The following CNMD variants were observed in gnomAD, a reference collection of about 807,000 sequenced individuals.
CNMD encodes the protein chondromodulin.
CNMD carries 30 observed loss-of-function variants against 37.5 expected under a neutral mutation model. The observed-to-expected ratio is 0.80, with a 90% CI of 0.60 to 1.09. The LOEUF is 1.09. Ranked by LOEUF, CNMD falls within the 50% of genes least tolerant of loss-of-function variation. The pLI is 0.00. For missense variants in CNMD, 398 were observed against 423.9 expected (o/e 0.94, Z 0.54); for synonymous variants, 167 against 148.2 (o/e 1.13, Z -0.92).
rs540994167 is a variant in CNMD at position 52,722,619 on chromosome 13, TCTATC to T, written c.468+1373_468+1377del. On this transcript the variant is annotated intron_variant, in intron 4 of 6. Coordinates refer to ENST00000377962, the MANE Select transcript of CNMD (RefSeq NM_007015.3). ...ACTTCAAAGCCCATTTTCTCTCCAC[TCTATC>T]CTGCCACAACTCAAATAAAAGACAG... is the stretch of plus-strand genomic sequence containing the variant. 2.4e-3 allele frequency among the ~76,000 whole-genome samples: 360 copies of T among 152,200 alleles called. 1 individual carries two copies. Among genetic ancestry groups the T allele is most frequent in the African/African-American group, 8.3e-3 (343 of 41,534 alleles).
At chr13:52,725,113 C>G (rs1477039015) in intron 3 of CNMD, among the ~76,000 whole-genome samples, 2 of 152,272 alleles carry the variant, frequency 1.3e-5, no homozygotes, top group East Asian at 3.9e-4. Context: ...CTCCATGCAG[C>G]CTTCTCTGAA....
At chr13:52,735,497 T>G (rs1157873527) in intron 2 of CNMD, among the ~76,000 whole-genome samples, 1 of 152,148 alleles carries the variant, frequency 6.6e-6, no homozygotes, top group Non-Finnish European at 1.5e-5. Context: ...GAGTGGCCTG[T>G]GGTTTGAATT....
intron 2 of CNMD, among the ~76,000 whole-genome samples, chr13:52,737,084 T>A (rs1594292737): frequency 6.6e-6 from 1 of 152,288 alleles, no homozygotes; most frequent in South Asian, 2.1e-4. Context: ...TATAAACCAA[T>A]ATAGAGGAGC....
intron 3 of CNMD, among the ~76,000 whole-genome samples, chr13:52,730,655 C>G (rs1288513967): frequency 6.6e-6 from 1 of 152,112 alleles, no homozygotes; most frequent in Non-Finnish European, 1.5e-5. Flanking sequence ...CCTTCGCCCA[C>G]TTTTTGATGG....
chr13:52,731,055 C>T (rs1045261695), intron 3 of CNMD, among the ~76,000 whole-genome samples: 7 of 152,156 alleles, frequency 4.6e-5, no homozygotes, highest in African/African-American at 1.4e-4. Flanking sequence ...CATTCATGTT[C>T]ACTATTTTTC....
At chr13:52,719,509 T>A (rs549346110) in intron 4 of CNMD, among the ~76,000 whole-genome samples, 63 of 152,362 alleles carry the variant, frequency 4.1e-4, no homozygotes, top group African/African-American at 1.5e-3. Flanking sequence ...GGAGCTCTTG[T>A]AAGGCAGGGC....
chr13:52,711,799 A>G (rs1406260346), intron 5 of CNMD, among the ~76,000 whole-genome samples: 3 of 152,214 alleles, frequency 2.0e-5, no homozygotes, highest in Non-Finnish European at 4.4e-5. Context: ...ATTGCTGTGC[A>G]ATCATCACCA....
chr13:52,723,745 C>CA (rs886947566), intron 4 of CNMD, among the ~76,000 whole-genome samples: 3 of 151,978 alleles, frequency 2.0e-5, no homozygotes, highest in African/African-American at 7.2e-5. Context: ...GCCTGGCCAA[C>CA]ATGGTGAAAC....
chr13:52,735,334 T>A (rs1964738801), intron 2 of CNMD, among the ~76,000 whole-genome samples: 2 of 151,936 alleles, frequency 1.3e-5, no homozygotes, highest in South Asian at 4.2e-4. Flanking sequence ...AACACCCATG[T>A]GAGTGTCTTC....
In CNMD at chr13:52,703,492, TA is replaced by T. The variant is rs374765429; in HGVS notation, c.*102del. On this transcript the variant is annotated 3_prime_UTR_variant, in exon 7 of 7. Coordinates refer to ENST00000377962, the MANE Select transcript of CNMD (RefSeq NM_007015.3). ...CAAGAATAACCGCTCAGGTTGAGTG[TA>T]AAAATATTTTGTGGTCCTATCAGCA... The T allele has an allele frequency of 1.6e-4, 118 of 759,582 alleles. No individual in the cohort carries two copies. The African/African-American group carries it at 2.0e-3, about 13-fold the overall frequency. The allele number at this position is 759,582 out of a possible 1,614,324, so 47.1% of individuals were successfully genotyped here. A position where few individuals can be genotyped will look rare whatever the true frequency, so the allele number is the denominator to read the frequency against.
chr13:52,739,751 G>C lies in CNMD; in HGVS notation c.-50C>G. ...CTTGGAGACTCCCTGGGCACCCTGG[G>C]ATCTGTCCCGCTGCCCCGACGTGCA... On this transcript the variant is annotated 5_prime_UTR_variant, in exon 1 of 7. In the 5' UTR this introduces an upstream ATG that the reference lacks. Transcript: ENST00000377962. This position sits in a 1 kb window ranked among gnomAD's most constrained non-coding sequence, Gnocchi z 5.4. 1 of 1,512,166 alleles carries C rather than the reference G, an allele frequency of 6.6e-7. No individual in the cohort carries two copies. The highest frequency in any genetic ancestry group is 9.2e-7 in the Non-Finnish European group (1 of 1,088,824). The allele number at this position is 1,512,166 out of a possible 1,614,324, so 93.7% of individuals were successfully genotyped here. A position where few individuals can be genotyped will look rare whatever the true frequency, so the allele number is the denominator to read the frequency against.
At chr13:52,715,259 A>T (rs6420307) in intron 4 of CNMD, among the ~76,000 whole-genome samples, 151,150 of 152,288 alleles carry the variant, frequency 0.99, 75,011 homozygotes, top group East Asian at 1. Flanking sequence ...TTTATAACTA[A>T]TTTTTGTACC....
chr13:52,739,635 G>A lies in CNMD; in HGVS notation c.67C>T (p.Pro23Ser). 1 of 1,613,820 alleles carries A rather than the reference G, an allele frequency of 6.2e-7. No individual in the cohort carries two copies. Among genetic ancestry groups the A allele is most frequent in the Non-Finnish European group, 8.5e-7 (1 of 1,179,728 alleles). Reference sequence around the variant, plus strand: ...GAATCCCTGGCGGTACTCACCGGGGGGCTGCAGAATTCCACGTCATCAGGT... The same window carrying A: ...GAATCCCTGGCGGTACTCACCGGGGAGCTGCAGAATTCCACGTCATCAGGT... ...VGPDDVEFCS[P>S]PAYATLTVKP... is the part of the protein sequence containing the mutation. Residue 23 changes from proline to serine, a missense_variant, in exon 1 of 7, where the codon CCC becomes TCC. Pro to Ser is a moderately conservative substitution (Grantham distance 74, BLOSUM62 -1). Transcript: ENST00000377962. The surrounding 1 kb of genome is among the most constrained non-coding windows in gnomAD (Gnocchi z 5.4).
At chr13:52,736,753 T>G (rs905887599) in intron 2 of CNMD, among the ~76,000 whole-genome samples, 1 of 152,200 alleles carries the variant, frequency 6.6e-6, no homozygotes, top group Non-Finnish European at 1.5e-5. Context: ...TTCTATAAGA[T>G]TAATTACATA....
chr13:52,707,256 A>G (rs1964198084), intron 6 of CNMD, among the ~76,000 whole-genome samples: 1 of 152,208 alleles, frequency 6.6e-6, no homozygotes, highest in Non-Finnish European at 1.5e-5. Flanking sequence ...CGCTCCCTGA[A>G]AAGTATAATG....
intron 4 of CNMD, among the ~76,000 whole-genome samples, chr13:52,716,122 A>G (rs1039034143): frequency 6.6e-6 from 1 of 151,836 alleles, no homozygotes; most frequent in Non-Finnish European, 1.5e-5. Flanking sequence ...ACTTTTTTTC[A>G]TGTTTGTTGG....
chr13:52,736,487 C>T (rs1011539768), intron 2 of CNMD, among the ~76,000 whole-genome samples: 1 of 152,120 alleles, frequency 6.6e-6, no homozygotes, highest in African/African-American at 2.4e-5. Context: ...TGAAGCTGTC[C>T]CCCTCCTGAA....
Position 52,712,982 on chromosome 13 carries a change from G to A in CNMD, c.469-113C>T, listed in dbSNP as rs1300328335. On this transcript the variant is annotated intron_variant, in intron 4 of 6. Coordinates refer to ENST00000377962, the MANE Select transcript of CNMD (RefSeq NM_007015.3). The stretch of plus-strand genomic sequence containing the variant: ...CTTATAAAAAATTAATGAGAATTCC[G>A]AGCATGCGTGTGTACATGTGTGCAC... 2.2e-5 allele frequency: 16 copies of A among 729,560 alleles called. No individual in the cohort carries two copies. The South Asian group carries it at 2.9e-4, about 13-fold the overall frequency. 45.2% of individuals were successfully genotyped at this position (729,560 alleles called of 1,614,324 possible). A position where few individuals can be genotyped will look rare whatever the true frequency, so the allele number is the denominator to read the frequency against.
At chr13:52,722,788 TAAATG>T (rs1964505184) in intron 4 of CNMD, among the ~76,000 whole-genome samples, 1 of 152,148 alleles carries the variant, frequency 6.6e-6, no homozygotes, top group African/African-American at 2.4e-5. Context: ...TTATTAATAA[TAAATG>T]AAAGAAACAT....
Sources: allele counts gnomAD v4.1 joint callset (sites outside exome capture counted in the v4.1 genomes callset), GRCh38; gene constraint gnomAD v4.1.1; non-coding constraint Gnocchi (gnomAD v3.1); transcripts MANE v1.5; gene names NCBI Gene and HGNC (gene_info 2026-07-23, HGNC 2026-07-21).